NAALADL2: variants seen among roughly 807,000 people sequenced by gnomAD.
NAALADL2 encodes the protein N-acetylated alpha-linked acidic dipeptidase like 2.
Under a neutral mutation model 87.2 loss-of-function variants are expected in NAALADL2, and 76 were observed. The observed-to-expected ratio is 0.87, with a 90% CI of 0.72 to 1.05. The LOEUF is 1.05. NAALADL2 is among the 50% of genes least tolerant of loss of function. The probability of loss-of-function intolerance (pLI) is 0.00; values close to 1 mark genes in which losing one functional copy is unlikely to be tolerated. For synonymous variants in NAALADL2, 354 were observed against 331.0 expected, an observed-to-expected ratio of 1.07 and a Z score of -0.75; for missense variants, 1,089 against 945.8, an observed-to-expected ratio of 1.15 and a Z score of -1.99.
chr3:174,506,618 A>C (rs1671994960), intron 1 of NAALADL2, among the ~76,000 whole-genome samples: 1 of 152,200 alleles, frequency 6.6e-6, no homozygotes, highest in Admixed American at 6.5e-5. Flanking sequence ...TTATAGAATA[A>C]ATTTTAAAAT....
At chr3:174,635,514 T>C (rs1223819457) in intron 2 of NAALADL2, among the ~76,000 whole-genome samples, 1 of 151,896 alleles carries the variant, frequency 6.6e-6, no homozygotes, top group East Asian at 1.9e-4. Flanking sequence ...TGGTTTTTTT[T>C]TTTTTTGAGA....
At chr3:175,523,111 G>T (rs191749671) in intron 9 of NAALADL2, among the ~76,000 whole-genome samples, 4 of 152,206 alleles carry the variant, frequency 2.6e-5, no homozygotes, top group African/African-American at 9.6e-5. Context: ...TGGAATCAGC[G>T]GTTCTACCAA....
At chr3:175,585,111 C>T (rs1301433742) in intron 10 of NAALADL2, among the ~76,000 whole-genome samples, 3 of 151,362 alleles carry the variant, frequency 2.0e-5, no homozygotes, top group Admixed American at 6.6e-5. Flanking sequence ...TGTTTGCTAT[C>T]CTTATTCTAT....
At chr3:175,071,490 T>C (rs1715632129) in intron 1 of NAALADL2, among the ~76,000 whole-genome samples, 2 of 152,086 alleles carry the variant, frequency 1.3e-5, no homozygotes, top group African/African-American at 4.8e-5. Context: ...ATTTATATAT[T>C]CACACATATT....
intron 3 of NAALADL2, among the ~76,000 whole-genome samples, chr3:174,835,695 G>C (rs1183528203): frequency 1.3e-5 from 2 of 152,056 alleles, no homozygotes; most frequent in African/African-American, 4.8e-5. Context: ...GTGCAAATAA[G>C]TTGAATAGAC....
intron 3 of NAALADL2, among the ~76,000 whole-genome samples, chr3:174,787,604 T>TATACATATATATATATACAC (rs1716929613): frequency 1.1e-5 from 1 of 87,944 alleles, no homozygotes; most frequent in Non-Finnish European, 2.4e-5. Context: ...TATATATATA[T>TATACATATATATATATACAC]ATATATATAT....
chr3:174,787,565 C>A (rs1420264619), intron 3 of NAALADL2, among the ~76,000 whole-genome samples: 3 of 31,952 alleles, frequency 9.4e-5, no homozygotes, highest in East Asian at 9.1e-4. Context: ...TAGAAGAAGG[C>A]AATATATCAT....
chr3:174,473,739 G>A (rs1717048008), intron 1 of NAALADL2, among the ~76,000 whole-genome samples: 1 of 152,038 alleles, frequency 6.6e-6, no homozygotes, highest in Middle Eastern at 3.2e-3. Flanking sequence ...ATGTTCATTT[G>A]TTATGGATTT....
intron 4 of NAALADL2, among the ~76,000 whole-genome samples, chr3:175,258,311 CCG>C (rs200338775): frequency 0.065 from 4,493 of 69,468 alleles, 141 homozygotes; most frequent in African/African-American, 0.15. Context: ...CTCCGTCCCT[CCG>C]CCCCCACCAC....
intron 2 of NAALADL2, among the ~76,000 whole-genome samples, chr3:175,166,926 A>C (rs905888221): frequency 1.6e-4 from 24 of 151,980 alleles, no homozygotes; most frequent in Non-Finnish European, 2.9e-5. Context: ...CTCAGCCCCT[A>C]ACTCACCTCT....
intron 1 of NAALADL2, among the ~76,000 whole-genome samples, chr3:174,878,894 A>C (rs1728842816): frequency 6.7e-6 from 1 of 149,962 alleles, no homozygotes; most frequent in African/African-American, 2.4e-5. Flanking sequence ...AGTGAAGAAG[A>C]GGACCCAATA....
At chr3:175,621,450 G>A (rs908825289) in intron 10 of NAALADL2, among the ~76,000 whole-genome samples, 5 of 152,084 alleles carry the variant, frequency 3.3e-5, no homozygotes, top group Admixed American at 1.3e-4. Context: ...CCTCCATCTA[G>A]GTAATTCTCT....
chr3:175,637,105 T>A (rs1287783046), intron 11 of NAALADL2, among the ~76,000 whole-genome samples: 1 of 152,242 alleles, frequency 6.6e-6, no homozygotes, highest in African/African-American at 2.4e-5. Context: ...AACCCGTAAT[T>A]GCCAATGTAA....
intron 5 of NAALADL2, among the ~76,000 whole-genome samples, chr3:175,416,266 C>G (rs991971879): frequency 1.3e-5 from 2 of 152,078 alleles, no homozygotes; most frequent in African/African-American, 4.8e-5. Context: ...ATTTAATGCT[C>G]TATTGTAATA....
chr3:174,667,981 T>C (rs890693464), intron 2 of NAALADL2, among the ~76,000 whole-genome samples: 6 of 152,166 alleles, frequency 3.9e-5, no homozygotes, highest in African/African-American at 1.4e-4. Context: ...TTTATAATCC[T>C]GCCAGCAATG....
chr3:174,975,101 T>A (rs1744199372), intron 1 of NAALADL2, among the ~76,000 whole-genome samples: 1 of 152,278 alleles, frequency 6.6e-6, no homozygotes. Flanking sequence ...TGTCTTTACT[T>A]AATATAGGAA....
At chr3:175,044,789 T>C (rs1754477361) in intron 1 of NAALADL2, among the ~76,000 whole-genome samples, 1 of 152,122 alleles carries the variant, frequency 6.6e-6, no homozygotes, top group Non-Finnish European at 1.5e-5. Flanking sequence ...TTGATTTCTT[T>C]CTAGTATCTT....
chr3:174,531,324 G>A (rs2066300929), intron 1 of NAALADL2, among the ~76,000 whole-genome samples: 1 of 151,434 alleles, frequency 6.6e-6, no homozygotes, highest in Non-Finnish European at 1.5e-5. Flanking sequence ...ATTGAGATCA[G>A]CACTCAAGTA....
chr3:174,569,187 A>C (rs868074740), intron 2 of NAALADL2, among the ~76,000 whole-genome samples: 1 of 151,920 alleles, frequency 6.6e-6, no homozygotes, highest in African/African-American at 2.4e-5. Context: ...AAGAGAGTGT[A>C]TTACATGTAC....
Sources: allele counts gnomAD v4.1 joint callset (sites outside exome capture counted in the v4.1 genomes callset), GRCh38; gene constraint gnomAD v4.1.1; transcripts MANE v1.5; gene names NCBI Gene and HGNC (gene_info 2026-07-23, HGNC 2026-07-21).